MGAT5: variants seen among roughly 807,000 people sequenced by gnomAD.
MGAT5 encodes alpha-1,6-mannosylglycoprotein 6-beta-N-acetylglucosaminyltransferase A.
A neutral mutation model predicts 94.3 loss-of-function variants in MGAT5; 30 were observed. The ratio of observed to expected loss-of-function variants is 0.32; its 90% CI spans 0.24 to 0.43. MGAT5 has a LOEUF of 0.43. Among genes scored for constraint, MGAT5 ranks in the 20% least tolerant of loss-of-function variants. The pLI is 1.00. For missense variants in MGAT5, 691 were observed against 905.5 expected, an observed-to-expected ratio of 0.76 and a Z score of 3.04; for synonymous variants, 310 against 322.9, an observed-to-expected ratio of 0.96 and a Z score of 0.43.
chr2:134,148,588 A>G (rs1308663904), intron 1 of MGAT5, among the ~76,000 whole-genome samples: 1 of 152,204 alleles, frequency 6.6e-6, no homozygotes, highest in African/African-American at 2.4e-5. Context: ...ATTGCTGACA[A>G]GTTTTGTGCA....
At chr2:134,259,788 T>G (rs1178431746) in intron 1 of MGAT5, among the ~76,000 whole-genome samples, 3 of 152,140 alleles carry the variant, frequency 2.0e-5, no homozygotes, top group African/African-American at 7.2e-5. Context: ...TCCCCCACAT[T>G]TTGTGCATAC....
chr2:134,324,570 C>G (rs552910766), intron 4 of MGAT5, among the ~76,000 whole-genome samples: 1 of 152,040 alleles, frequency 6.6e-6, no homozygotes, highest in Non-Finnish European at 1.5e-5. Context: ...TTTGTGAATG[C>G]GAGCATGAAA....
intron 1 of MGAT5, among the ~76,000 whole-genome samples, chr2:134,189,784 T>C (rs918172798): frequency 3.3e-5 from 5 of 151,840 alleles, no homozygotes; most frequent in Admixed American, 2.6e-4. Flanking sequence ...ATATTTTTAC[T>C]AGAAACAGGT....
intron 10 of MGAT5, among the ~76,000 whole-genome samples, chr2:134,382,235 A>G (rs1681673508): frequency 6.6e-6 from 1 of 152,054 alleles, no homozygotes; most frequent in South Asian, 2.1e-4. Flanking sequence ...AGCCTGGGCA[A>G]CAGCAATACC....
chr2:134,205,531 T>G (rs574684505), intron 1 of MGAT5, among the ~76,000 whole-genome samples: 1 of 152,314 alleles, frequency 6.6e-6, no homozygotes, highest in African/African-American at 2.4e-5. Context: ...TGCTGTTTGC[T>G]GAGCTGCTTT....
In MGAT5 at chr2:134,179,456, A is replaced by AC. The variant is rs1290548936; in HGVS notation, c.-143+59168dup. ...ATGTTGTGACCAGGGGCTCGCGGGT[A>AC]CCCAACCCTGTATCTTCTCTAGGAG... On this transcript the variant is annotated intron_variant, in intron 1 of 16. Transcript: ENST00000409645. Among the ~76,000 whole-genome samples, 15 of 152,310 alleles carry AC rather than the reference A, an allele frequency of 9.8e-5. No individual in the cohort carries two copies. In the South Asian group the frequency reaches 1.9e-3, roughly 19 times the overall value.
At chr2:134,235,256 G>T (rs1389722140) in intron 1 of MGAT5, among the ~76,000 whole-genome samples, 1 of 152,128 alleles carries the variant, frequency 6.6e-6, no homozygotes, top group Non-Finnish European at 1.5e-5. Context: ...CCACTTATCT[G>T]CCTGGGAAGG....
chr2:134,149,342 C>T (rs1301240677), intron 1 of MGAT5, among the ~76,000 whole-genome samples: 1 of 152,066 alleles, frequency 6.6e-6, no homozygotes, highest in Non-Finnish European at 1.5e-5. Flanking sequence ...GATTCTACTC[C>T]CCAGAGAAGC....
intron 15 of MGAT5, among the ~76,000 whole-genome samples, chr2:134,448,196 G>T (rs185111444): frequency 3.9e-4 from 59 of 152,304 alleles, no homozygotes; most frequent in African/African-American, 1.3e-3. Flanking sequence ...TTCACCTCCC[G>T]TGTGCACACT....
chr2:134,261,507 C>T (rs1683332486), intron 1 of MGAT5, among the ~76,000 whole-genome samples: 1 of 152,156 alleles, frequency 6.6e-6, no homozygotes, highest in Non-Finnish European at 1.5e-5. Flanking sequence ...CTCTCCCCCA[C>T]CCCTTCCTCT....
intron 14 of MGAT5, among the ~76,000 whole-genome samples, chr2:134,435,183 C>G (rs923109017): frequency 6.6e-6 from 1 of 152,164 alleles, no homozygotes; most frequent in Non-Finnish European, 1.5e-5. Flanking sequence ...CATGGAAAAG[C>G]TAGAGCATTC....
chr2:134,269,107 G>T (rs1683878585), intron 1 of MGAT5, among the ~76,000 whole-genome samples: 1 of 152,138 alleles, frequency 6.6e-6, no homozygotes, highest in Middle Eastern at 3.2e-3. Context: ...TGTCCATTTT[G>T]CATTGCTGTA....
intron 10 of MGAT5, among the ~76,000 whole-genome samples, chr2:134,365,718 G>C (rs1420528354): frequency 6.6e-6 from 1 of 152,102 alleles, no homozygotes; most frequent in Non-Finnish European, 1.5e-5. Context: ...GTTTCTGGCA[G>C]CTTTCTTTTC....
chr2:134,256,826 TCTAA>T (rs1338879828), intron 1 of MGAT5, among the ~76,000 whole-genome samples: 10 of 152,256 alleles, frequency 6.6e-5, no homozygotes, highest in East Asian at 1.9e-4. Context: ...CATCAGCAAC[TCTAA>T]CTGACACTGC....
intron 2 of MGAT5, among the ~76,000 whole-genome samples, chr2:134,280,728 T>C (rs1272215431): frequency 1.3e-5 from 2 of 152,184 alleles, no homozygotes; most frequent in African/African-American, 2.4e-5. Context: ...AGTTTCCTCA[T>C]TGATAAAATG....
chr2:134,127,499 C>A (rs1366466660), intron 1 of MGAT5, among the ~76,000 whole-genome samples: 1 of 131,428 alleles, frequency 7.6e-6, no homozygotes, highest in Non-Finnish European at 1.6e-5. Context: ...AAGGTTTCCC[C>A]CCCCCCCAGG....
chr2:134,163,247 AC>A (rs1178041203), intron 1 of MGAT5, among the ~76,000 whole-genome samples: 1 of 152,156 alleles, frequency 6.6e-6, no homozygotes, highest in East Asian at 1.9e-4. Context: ...GTTAGAGCAG[AC>A]CTTCCTGATT....
rs182453132 is a variant in MGAT5 at position 134,202,510 on chromosome 2, G to A, written c.-142-51752G>A. Among the ~76,000 whole-genome samples, 6 of 152,288 alleles carry A rather than the reference G, an allele frequency of 3.9e-5. 1 individual carries two copies. Among genetic ancestry groups the A allele is most frequent in the Admixed American group, 2.6e-4 (4 of 15,306 alleles). On this transcript the variant is annotated intron_variant, in intron 1 of 16. Transcript: ENST00000409645. ...TAAATTTCTGTTGTTCACAAATTGC[G>A]CAGTCTAAAGTGTTTCGTTTTACTA...
rs999871274 is a variant in MGAT5 at position 134,307,591 on chromosome 2, C to T, written c.407-9938C>T. Among the ~76,000 whole-genome samples, 51 of 152,106 alleles carry T rather than the reference C, an allele frequency of 3.4e-4. 1 individual carries two copies. The highest frequency in any genetic ancestry group is 5.3e-4 in the Non-Finnish European group (36 of 68,010). On this transcript the variant is annotated intron_variant, in intron 2 of 15. Transcript: ENST00000281923. ...GAGGCTGGAATTCATGATTCTGTGG[C>T]AGGCCGTGTCAGCATACCTTTCCAA...
Sources: gnomAD v4.1 joint callset for allele counts (sites outside exome capture counted in the v4.1 genomes callset) on GRCh38, gnomAD v4.1.1 for gene constraint, MANE v1.5 for transcripts, NCBI Gene and HGNC (gene_info 2026-07-23, HGNC 2026-07-21) for gene names.